KCNC4: variants seen among roughly 807,000 people sequenced by gnomAD.
KCNC4 encodes the protein voltage-gated potassium channel KCNC4.
KCNC4 carries 23 observed loss-of-function variants against 42.8 expected under a neutral mutation model. The ratio of observed to expected loss-of-function variants is 0.54; its 90% CI spans 0.39 to 0.76. KCNC4 has a LOEUF of 0.76. Among genes scored for constraint, KCNC4 ranks in the 30% least tolerant of loss-of-function variants. The pLI, the probability that KCNC4 is intolerant of heterozygous loss-of-function variation, is 0.00. For missense variants in KCNC4, 751 were observed against 898.2 expected (o/e 0.84, Z 2.10); for synonymous variants, 422 against 393.5 (o/e 1.07, Z -0.86).
intron 1 of KCNC4, among the ~76,000 whole-genome samples, chr1:110,275,763 TCTGG>T (rs1025479450): frequency 1.3e-5 from 2 of 151,762 alleles, no homozygotes; most frequent in African/African-American, 4.8e-5. Context: ...TCGAGACCAT[TCTGG>T]CTAACACAGT....
intron 3 of KCNC4, among the ~76,000 whole-genome samples, chr1:110,226,751 G>A (rs1658420338): frequency 6.6e-6 from 1 of 152,230 alleles, no homozygotes; most frequent in African/African-American, 2.4e-5. Context: ...ACCAAGGGGT[G>A]GGATAGGTGG....
Position 110,223,759 on chromosome 1 carries a change from C to T in KCNC4, c.1474C>T (p.Arg492Trp), listed in dbSNP as rs143546722. ...AMAKQKLPKK[R>W]KKHVPRPAQL... ...GGCCAAGCAGAAGCTGCCCAAGAAA[C>T]GGAAGAAGCACGTGCCACGGCCGGC... is the stretch of plus-strand genomic sequence containing the variant. The change falls in exon 2 of 4, where the codon CGG becomes TGG. Residue 492 changes from arginine to tryptophan, a missense_variant. By Grantham distance (101) the Arg-to-Trp change is moderately radical. Around this residue, in one of 4 missense-constraint regions of KCNC4, gnomAD observed 185 missense variants for 293.7 expected, o/e 0.63. Transcript: ENST00000438661. The surrounding 1 kb of genome is among the most constrained non-coding windows in gnomAD (Gnocchi z 7.5). 2.9e-5 allele frequency: 46 copies of T among 1,614,014 alleles called. No homozygotes were observed. Among genetic ancestry groups the T allele is most frequent in the Admixed American group, 1.8e-4 (11 of 60,000 alleles).
chr1:110,210,559 G>A lies in KCNC4; in HGVS notation c.-941G>A, dbSNP rs955216615. ...TGAGGCTCCCTCTCCGCGCGGCCCG[G>A]GAAGCCTGCAGGTGTCCTTGGCCGC... On this transcript the variant is annotated 5_prime_UTR_variant, in exon 1 of 4. Transcript: ENST00000438661. Among the ~76,000 whole-genome samples, 21 of 151,690 alleles carry A rather than the reference G, an allele frequency of 1.4e-4. No homozygotes were observed. Among genetic ancestry groups the A allele is most frequent in the Admixed American group, 6.6e-4 (10 of 15,254 alleles).
intron 1 of KCNC4, among the ~76,000 whole-genome samples, chr1:110,275,583 A>G (rs915772055): frequency 6.6e-6 from 1 of 152,224 alleles, no homozygotes; most frequent in African/African-American, 2.4e-5. Context: ...AATAGCAAAA[A>G]TAGGGAATCA....
At chr1:110,266,603 C>T (rs960584828) in intron 1 of KCNC4, among the ~76,000 whole-genome samples, 8 of 152,184 alleles carry the variant, frequency 5.3e-5, no homozygotes, top group African/African-American at 1.4e-4. Flanking sequence ...AAAGGTAAAA[C>T]GACTTGCCCA....
At chr1:110,269,560 T>TA (rs1232337445) in intron 1 of KCNC4, among the ~76,000 whole-genome samples, 1 of 152,196 alleles carries the variant, frequency 6.6e-6, no homozygotes, top group African/African-American at 2.4e-5. Context: ...TGAAGGACAT[T>TA]AGAGTTTCAA....
At position 110,233,009 on chromosome 1, in the gene KCNC4, G is replaced by A. The variant is rs765531463; in HGVS notation, c.*37G>A. On this transcript the variant is annotated 3_prime_UTR_variant, in exon 4 of 4. Coordinates refer to ENST00000438661, the MANE Select transcript of KCNC4 (RefSeq NM_001039574.3). ...CGTGAGAGAGACAGGCAGACAGACAGAAAGCCAGAGGCTTAGGGAAACTCT... is the reference window on the plus strand; with the variant it reads ...CGTGAGAGAGACAGGCAGACAGACAAAAAGCCAGAGGCTTAGGGAAACTCT... The A allele has an allele frequency of 5.0e-6, 8 of 1,599,202 alleles. No homozygotes were observed. The African/African-American group carries it at 1.1e-4, about 21-fold the overall frequency.
intron 1 of KCNC4, among the ~76,000 whole-genome samples, chr1:110,269,186 T>C (rs924458328): frequency 1.6e-4 from 25 of 151,936 alleles, no homozygotes; most frequent in African/African-American, 6.0e-4. Flanking sequence ...TTCATTCAGG[T>C]TTATTAAAGT....
chr1:110,216,221 G>A (rs1366467583), intron 1 of KCNC4, among the ~76,000 whole-genome samples: 2 of 152,194 alleles, frequency 1.3e-5, no homozygotes, highest in African/African-American at 2.4e-5. Flanking sequence ...CAGTGATCAC[G>A]ACAGGCTTTA....
chr1:110,266,795 C>A (rs1001672823), intron 1 of KCNC4, among the ~76,000 whole-genome samples: 1 of 152,138 alleles, frequency 6.6e-6, no homozygotes, highest in East Asian at 1.9e-4. Context: ...CCAAGGGACC[C>A]GAATACCAGG....
At chr1:110,252,413 C>T (rs992862260), downstream of KCNC4, among the ~76,000 whole-genome samples, 2 of 152,154 alleles carry the variant, frequency 1.3e-5, no homozygotes, top group East Asian at 3.9e-4. Flanking sequence ...AAAGTCTGCC[C>T]TGCAAAACCT....
downstream of KCNC4, chr1:110,236,175 A>G (rs1346878785): frequency 2.0e-5 from 3 of 152,234 alleles, no homozygotes; most frequent in Non-Finnish European, 4.4e-5. Context: ...GGATGATTAT[A>G]CCTAACAGCG....
At chr1:110,220,218 C>T (rs1458347672) in intron 1 of KCNC4, 1 of 152,222 alleles carries the variant, frequency 6.6e-6, no homozygotes, top group Non-Finnish European at 1.5e-5. Flanking sequence ...CTCCCCTCCT[C>T]TTCTCAGGGT....
Position 110,211,247 on chromosome 1 carries a change from C to T in KCNC4, c.-253C>T, listed in dbSNP as rs1657426684. ...TGTGCTTGCTTCTACTTCCCCGGGT[C>T]CTCCCTCTCTGCGCCTCCCTCTCTC... On this transcript the variant is annotated 5_prime_UTR_variant, in exon 1 of 4. Transcript: ENST00000438661. This position sits in a 1 kb window ranked among gnomAD's most constrained non-coding sequence, Gnocchi z 6.5. 3 of 538,832 alleles carry T rather than the reference C, an allele frequency of 5.6e-6. No homozygotes were observed. Among genetic ancestry groups the T allele is most frequent in the Non-Finnish European group, 9.8e-6 (3 of 304,794 alleles). The allele number at this position is 538,832 out of a possible 1,614,324, so 33.4% of individuals were successfully genotyped here.
chr1:110,256,430 C>T (rs1659332680), intron 1 of KCNC4, among the ~76,000 whole-genome samples: 1 of 152,246 alleles, frequency 6.6e-6, no homozygotes, highest in Admixed American at 6.5e-5. Flanking sequence ...GAACACATAA[C>T]TTGGTCACTC....
chr1:110,225,892 C>A, intron 2 of KCNC4, 83 bp from the exon 3 acceptor site: 1 of 1,301,090 alleles, frequency 7.7e-7, no homozygotes. Context: ...AAGTAACACT[C>A]TGGGTCTGGG....
Position 110,229,777 on chromosome 1 carries a change from G to A in KCNC4, c.1820-3134G>A, listed in dbSNP as rs138353336. 3.0e-3 allele frequency among the ~76,000 whole-genome samples: 455 copies of A among 152,254 alleles called. 3 individuals are homozygous for A. The highest frequency in any genetic ancestry group is 8.4e-3 in the African/African-American group (349 of 41,544). ...CATCTTGCCCCCACCTGCTCCTGCC[G>A]CTCCCGGGAAGGGGGCCCTCCACAG... On this transcript the variant is annotated intron_variant, in intron 3 of 3. Coordinates refer to ENST00000438661, the MANE Select transcript of KCNC4 (RefSeq NM_001039574.3).
At chr1:110,272,278 C>T (rs2101086971) in intron 1 of KCNC4, among the ~76,000 whole-genome samples, 1 of 152,306 alleles carries the variant, frequency 6.6e-6, no homozygotes, top group African/African-American at 2.4e-5. Flanking sequence ...ATGTGTTGCA[C>T]AGCCAGAATG....
intron 3 of KCNC4, among the ~76,000 whole-genome samples, chr1:110,230,866 G>A (rs560366616): frequency 6.6e-6 from 1 of 152,362 alleles, no homozygotes; most frequent in African/African-American, 2.4e-5. Context: ...CTGCATACCA[G>A]GCACTGCCAC....
Sources: allele counts gnomAD v4.1 joint callset (sites outside exome capture counted in the v4.1 genomes callset), GRCh38; gene constraint gnomAD v4.1.1; regional missense constraint gnomAD v4.1.1; non-coding constraint Gnocchi (gnomAD v3.1); transcripts MANE v1.5; gene names NCBI Gene and HGNC (gene_info 2026-07-23, HGNC 2026-07-21).